DLG2: variants seen among roughly 807,000 people sequenced by gnomAD.
DLG2 encodes the protein disks large homolog 2.
DLG2 carries 45 observed loss-of-function variants against 132.5 expected under a neutral mutation model. That is an observed-to-expected ratio of 0.34 (90% CI 0.27 to 0.44). The LOEUF (loss-of-function observed/expected upper bound fraction) is 0.44, where lower values mean the gene tolerates loss of function less well. Among genes scored for constraint, DLG2 ranks in the 20% least tolerant of loss-of-function variants. The pLI, the probability that DLG2 is intolerant of heterozygous loss-of-function variation, is 1.00. For missense variants in DLG2, 1,045 were observed against 1,196.9 expected (o/e 0.87, Z 1.87); for synonymous variants, 424 against 419.6 (o/e 1.01, Z -0.13).
At chr11:84,230,380 T>C (rs1386984820) in intron 8 of DLG2, among the ~76,000 whole-genome samples, 1 of 152,212 alleles carries the variant, frequency 6.6e-6, no homozygotes, top group Non-Finnish European at 1.5e-5. Context: ...GCAATGTTGA[T>C]CTTGTTTGCT....
At chr11:84,945,827 G>A (rs147713211) in intron 6 of DLG2, among the ~76,000 whole-genome samples, 18 of 152,178 alleles carry the variant, frequency 1.2e-4, no homozygotes, top group Middle Eastern at 3.4e-3. Context: ...ATGTGCATCC[G>A]ACATCTACTG....
Position 85,426,476 on chromosome 11 carries a change from C to T in DLG2, c.41-141111G>A, listed in dbSNP as rs1042286896. Among the ~76,000 whole-genome samples the T allele has an allele frequency of 5.9e-5, 9 of 152,220 alleles. 1 individual carries two copies. The highest frequency in any genetic ancestry group is 3.4e-3 in the Middle Eastern group (1 of 294). ...GCAACATCTGCTGTTCACCAGTATCCGCTGTTCTGCAGCTTCCACTGCTGA... is the reference window on the plus strand; with the variant it reads ...GCAACATCTGCTGTTCACCAGTATCTGCTGTTCTGCAGCTTCCACTGCTGA... On this transcript the variant is annotated intron_variant, in intron 3 of 27. Coordinates refer to ENST00000376104, the MANE Select transcript of DLG2 (RefSeq NM_001142699.3).
At chr11:84,712,653 A>G (rs11234137) in intron 6 of DLG2, among the ~76,000 whole-genome samples, 71,025 of 151,884 alleles carry the variant, frequency 0.47, 19,993 homozygotes, top group African/African-American at 0.8. Flanking sequence ...TATGTAAAGT[A>G]GTTTAATAAA....
intron 6 of DLG2, among the ~76,000 whole-genome samples, chr11:85,056,722 C>G (rs1202573771): frequency 6.6e-6 from 1 of 151,658 alleles, no homozygotes; most frequent in African/African-American, 2.4e-5. Flanking sequence ...TGCTGAAAAC[C>G]AATGACAGAG....
chr11:85,104,136 T>C (rs796884339), intron 6 of DLG2, among the ~76,000 whole-genome samples: 77 of 152,046 alleles, frequency 5.1e-4, no homozygotes, highest in African/African-American at 1.5e-3. Flanking sequence ...GCAAATGTTA[T>C]GGGAAACAGT....
chr11:84,099,100 G>C, intron 9 of DLG2, 53 bp from the exon 10 acceptor site: 1 of 1,540,074 alleles, frequency 6.5e-7, no homozygotes, highest in Non-Finnish European at 9.0e-7. Context: ...CTAAAACCTA[G>C]TTCCTCTTGC....
intron 6 of DLG2, among the ~76,000 whole-genome samples, chr11:84,552,165 T>C (rs905943627): frequency 1.3e-5 from 2 of 152,170 alleles, no homozygotes; most frequent in Admixed American, 1.3e-4. Flanking sequence ...GGACTCTAAA[T>C]CAGCAGATAT....
intron 6 of DLG2, among the ~76,000 whole-genome samples, chr11:84,642,452 CTT>C (rs1410906199): frequency 6.6e-6 from 1 of 152,068 alleles, no homozygotes; most frequent in African/African-American, 2.4e-5. Flanking sequence ...AAGAGATACA[CTT>C]TAAATTTCTG....
chr11:84,276,471 A>G (rs754483728), intron 7 of DLG2, among the ~76,000 whole-genome samples: 1 of 152,224 alleles, frequency 6.6e-6, no homozygotes, highest in Non-Finnish European at 1.5e-5. Context: ...ATTGAGCTCT[A>G]CTATGTGCCA....
At position 83,837,723 on chromosome 11, in the gene DLG2, C is replaced by CAAAA. The variant is rs386374350; in HGVS notation, c.1566-3957_1566-3954dup. Among the ~76,000 whole-genome samples, 46 of 45,950 alleles carry CAAAA rather than the reference C, an allele frequency of 1.0e-3. 3 individuals carry two copies. Among genetic ancestry groups the CAAAA allele is most frequent in the African/African-American group, 1.8e-3 (18 of 10,268 alleles). The allele number at this position is 45,950 out of a possible 152,430, so 30.1% of individuals were successfully genotyped here. On this transcript the variant is annotated intron_variant, in intron 16 of 27. Coordinates refer to ENST00000376104, the MANE Select transcript of DLG2 (RefSeq NM_001142699.3). ...GTGCTCTGTCCAAATACATAGCAAG[C>CAAAA]AAAAAAAAAAAAAAAAAAAAAAAAG... is the stretch of plus-strand genomic sequence containing the variant.
In DLG2 at chr11:85,155,555, T is replaced by C. The variant is rs139855410; in HGVS notation, c.187-904A>G. The stretch of plus-strand genomic sequence containing the variant: ...TAGTAAACATGCTGACCACACTGAA[T>C]GTTCAACTGCATAATAAGGATTCCT... On this transcript the variant is annotated intron_variant, in intron 4 of 27. Transcript: ENST00000376104. Among the ~76,000 whole-genome samples the C allele has an allele frequency of 5.6e-4, 85 of 152,204 alleles. No individual in the cohort carries two copies. The East Asian group carries it at 0.016, about 28-fold the overall frequency.
intron 6 of DLG2, among the ~76,000 whole-genome samples, chr11:84,671,754 T>C (rs2099706121): frequency 6.6e-6 from 1 of 152,180 alleles, no homozygotes; most frequent in African/African-American, 2.4e-5. Context: ...CTTGGTTTAA[T>C]CTTGGCTTCT....
intron 4 of DLG2, among the ~76,000 whole-genome samples, chr11:85,274,107 G>T (rs1014042571): frequency 2.0e-5 from 2 of 98,982 alleles, no homozygotes; most frequent in Non-Finnish European, 4.8e-5. Flanking sequence ...GCTGTCGTGG[G>T]GTGGGTGGAG....
intron 9 of DLG2, among the ~76,000 whole-genome samples, chr11:84,105,565 A>C (rs948350087): frequency 6.6e-6 from 1 of 152,180 alleles, no homozygotes; most frequent in Non-Finnish European, 1.5e-5. Context: ...TGATCCAACA[A>C]GTATGGATTA....
chr11:84,102,256 C>T (rs1014435950), intron 9 of DLG2, among the ~76,000 whole-genome samples: 1 of 152,108 alleles, frequency 6.6e-6, no homozygotes, highest in African/African-American at 2.4e-5. Flanking sequence ...GTCTGTCTTT[C>T]CTTTAAACTG....
At chr11:84,250,365 C>G (rs574628074) in intron 8 of DLG2, among the ~76,000 whole-genome samples, 3 of 152,174 alleles carry the variant, frequency 2.0e-5, no homozygotes, top group African/African-American at 7.2e-5. Context: ...CCAGTACTTA[C>G]CAAGCACTTA....
Position 83,563,140 on chromosome 11 carries a change from A to C in DLG2, c.1941-21282T>G, listed in dbSNP as rs1386562982. Among the ~76,000 whole-genome samples the C allele has an allele frequency of 2.6e-5, 4 of 151,534 alleles. No individual in the cohort carries two copies. In the East Asian group the frequency reaches 7.8e-4, roughly 29 times the overall value. On this transcript the variant is annotated intron_variant, in intron 19 of 27. Transcript: ENST00000376104. ...CAGGTGCCTGCCACCACGCCCAGCT[A>C]ATTTTTTTGTATTTTTTTAGTAGAG...
At chr11:85,246,952 A>G (rs778955234) in intron 4 of DLG2, among the ~76,000 whole-genome samples, 9 of 152,140 alleles carry the variant, frequency 5.9e-5, no homozygotes, top group Non-Finnish European at 1.2e-4. Flanking sequence ...ATAGCATTCC[A>G]GAACCTCTTC....
intron 4 of DLG2, among the ~76,000 whole-genome samples, chr11:85,235,634 C>T (rs1239945372): frequency 6.6e-6 from 1 of 151,720 alleles, no homozygotes. Flanking sequence ...AAGAACAAAA[C>T]TAGGAAAGAG....
Sources: gnomAD v4.1 joint callset for allele counts (sites outside exome capture counted in the v4.1 genomes callset) on GRCh38, gnomAD v4.1.1 for gene constraint, MANE v1.5 for transcripts, NCBI Gene and HGNC (gene_info 2026-07-23, HGNC 2026-07-21) for gene names.